Variants in RNF13 observed in about 807,000 individuals in gnomAD.
The protein encoded by RNF13 is E3 ubiquitin-protein ligase RNF13.
RNF13 carries 19 observed loss-of-function variants against 37.7 expected under a neutral mutation model. The observed-to-expected ratio is 0.50, with a 90% CI of 0.35 to 0.74. The LOEUF is 0.74. Ranked by LOEUF, RNF13 falls within the 30% of genes least tolerant of loss-of-function variation. The pLI is 0.01. For synonymous variants in RNF13, 144 were observed against 157.8 expected, an observed-to-expected ratio of 0.91 and a Z score of 0.65; for missense variants, 375 against 453.0, an observed-to-expected ratio of 0.83 and a Z score of 1.56.
intron 2 of RNF13, among the ~76,000 whole-genome samples, chr3:149,848,851 A>ATAGCTGACTAGAC (rs1722880486): frequency 6.6e-6 from 1 of 152,176 alleles, no homozygotes; most frequent in Non-Finnish European, 1.5e-5. Context: ...CATCTAGTCT[A>ATAGCTGACTAGAC]TAGCTGACTA....
At chr3:149,945,602 AACAG>A (rs1196593913) in intron 8 of RNF13, among the ~76,000 whole-genome samples, 2 of 152,122 alleles carry the variant, frequency 1.3e-5, no homozygotes, top group Admixed American at 6.5e-5. Flanking sequence ...GAGATCTGAG[AACAG>A]ACAGACTGCC....
At chr3:149,959,025 A>AT (rs1315960110) in intron 8 of RNF13, among the ~76,000 whole-genome samples, 2 of 152,332 alleles carry the variant, frequency 1.3e-5, no homozygotes, top group East Asian at 3.9e-4. Flanking sequence ...CAGACTATCC[A>AT]TCCAGATAAT....
rs947336429 is a variant in RNF13, at chr3:149,813,238, A to C, written c.-132A>C. 1 of 152,006 alleles carries C rather than the reference A, an allele frequency of 6.6e-6. No homozygotes were observed. The highest frequency in any genetic ancestry group is 1.5e-5 in the Non-Finnish European group (1 of 68,190). The allele number at this position is 152,006 out of a possible 1,614,324, so 9.4% of individuals were successfully genotyped here. On this transcript the variant is annotated 5_prime_UTR_variant, in exon 1 of 10. Coordinates refer to ENST00000392894, the MANE Select transcript of RNF13 (RefSeq NM_183381.3). ...TCGCCTAGGTGTTGTCGTCCCTGCT[A>C]GTACTCCGGGCTGTGGGGGTCGGTG... is the stretch of plus-strand genomic sequence containing the variant.
At chr3:149,895,427 T>A in intron 4 of RNF13, 46 bp from the exon 5 acceptor site, 2 of 1,178,766 alleles carry the variant, frequency 1.7e-6, no homozygotes, top group Non-Finnish European at 2.5e-6. Flanking sequence ...GACAAACCAC[T>A]GTCTTCCTTA....
chr3:149,898,688 TCA>T (rs1715513554), intron 5 of RNF13, among the ~76,000 whole-genome samples: 1 of 152,204 alleles, frequency 6.6e-6, no homozygotes, highest in African/African-American at 2.4e-5. Context: ...TAATGATTGT[TCA>T]GATATTATTA....
intron 1 of RNF13, among the ~76,000 whole-genome samples, chr3:149,835,633 T>TTGTGTGTGTCTGTGTGTG (rs1553751496): frequency 7.1e-4 from 99 of 138,838 alleles, no homozygotes; most frequent in Non-Finnish European, 9.1e-4. Context: ...TAGTATTCCA[T>TTGTGTGTGTCTGTGTGTG]TGTGTGTGTG....
intron 7 of RNF13, among the ~76,000 whole-genome samples, chr3:149,913,447 T>G (rs1406410729): frequency 6.6e-6 from 1 of 152,206 alleles, no homozygotes; most frequent in African/African-American, 2.4e-5. Flanking sequence ...CATTTTACAT[T>G]GCCAGGAGAC....
At chr3:149,858,025 G>C (rs1723831034) in intron 3 of RNF13, among the ~76,000 whole-genome samples, 2 of 152,120 alleles carry the variant, frequency 1.3e-5, no homozygotes, top group Admixed American at 1.3e-4. Context: ...CAACGGAATA[G>C]GTTAGTTCCC....
intron 8 of RNF13, among the ~76,000 whole-genome samples, chr3:149,923,196 CATT>C (rs1718318413): frequency 1.3e-5 from 2 of 151,862 alleles, no homozygotes; most frequent in South Asian, 2.1e-4. Context: ...TTTACATTTA[CATT>C]ATTATTATAC....
At chr3:149,939,778 A>C (rs1720072889) in intron 8 of RNF13, 2 of 586,698 alleles carry the variant, frequency 3.4e-6, no homozygotes, top group Admixed American at 3.8e-5. Flanking sequence ...GCTCATGTCC[A>C]TGTCCATCAA....
chr3:149,918,807 G>A (rs1169078057), intron 7 of RNF13, among the ~76,000 whole-genome samples: 1 of 151,788 alleles, frequency 6.6e-6, no homozygotes, highest in African/African-American at 2.4e-5. Flanking sequence ...GGAATTACAG[G>A]TGTGAGCCAC....
At chr3:149,936,928 CAGG>C (rs1719747860) in intron 8 of RNF13, among the ~76,000 whole-genome samples, 1 of 152,134 alleles carries the variant, frequency 6.6e-6, no homozygotes, top group African/African-American at 2.4e-5. Flanking sequence ...ACCCTAAGCC[CAGG>C]TTTGCCTGGC....
Position 149,906,001 on chromosome 3 carries a change from C to T in RNF13, c.500+3839C>T, listed in dbSNP as rs1003237421. Among the ~76,000 whole-genome samples, 29 of 152,280 alleles carry T rather than the reference C, an allele frequency of 1.9e-4. No homozygotes were observed. In the East Asian group the frequency reaches 2.1e-3, roughly 11 times the overall value. ...CACTTCCTATTCCCCAGTCCTTCTT[C>T]GTCCACTCCAGCCCCAGGCAATCAC... On this transcript the variant is annotated intron_variant, in intron 6 of 9. Coordinates refer to ENST00000392894, the MANE Select transcript of RNF13 (RefSeq NM_183381.3).
chr3:149,829,235 G>C (rs574797061), intron 1 of RNF13, among the ~76,000 whole-genome samples: 1 of 152,120 alleles, frequency 6.6e-6, no homozygotes, highest in Admixed American at 6.5e-5. Context: ...AAGTAGCTGG[G>C]ATTACAGACG....
At chr3:149,921,813 C>T (rs1349863143) in intron 8 of RNF13, among the ~76,000 whole-genome samples, 1 of 151,944 alleles carries the variant, frequency 6.6e-6, no homozygotes, top group African/African-American at 2.4e-5. Flanking sequence ...GGGTATATAC[C>T]CTGTAATGGG....
intron 8 of RNF13, among the ~76,000 whole-genome samples, chr3:149,929,525 A>G (rs1197810870): frequency 2.0e-5 from 3 of 152,168 alleles, no homozygotes; most frequent in Non-Finnish European, 4.4e-5. Flanking sequence ...TCCAACATGG[A>G]TTTATTTCAT....
chr3:149,829,132 T>G (rs566638838), intron 1 of RNF13, among the ~76,000 whole-genome samples: 1 of 152,262 alleles, frequency 6.6e-6, no homozygotes, highest in East Asian at 1.9e-4. Flanking sequence ...GATGGAGTCT[T>G]GCTTTGCCAC....
At chr3:149,869,093 A>AT (rs1276374605) in intron 3 of RNF13, among the ~76,000 whole-genome samples, 1 of 151,354 alleles carries the variant, frequency 6.6e-6, no homozygotes, top group Non-Finnish European at 1.5e-5. Context: ...GACTTGGCTG[A>AT]TTCTTTCTTC....
In RNF13 at chr3:149,901,723, T is replaced by A. The variant is rs1213109640; in HGVS notation, c.410-349T>A. ...TCTTTTTCATTTAGGAATTAAGTTA[T>A]GTGTGGGAAGAAAACCTAAAATTTC... On this transcript the variant is annotated intron_variant, in intron 5 of 9. Coordinates refer to ENST00000392894, the MANE Select transcript of RNF13 (RefSeq NM_183381.3). 3.3e-5 allele frequency among the ~76,000 whole-genome samples: 5 copies of A among 152,336 alleles called. No individual in the cohort carries two copies. In the East Asian group the frequency reaches 9.6e-4, roughly 29 times the overall value.
Sources: allele counts gnomAD v4.1 joint callset (sites outside exome capture counted in the v4.1 genomes callset), GRCh38; gene constraint gnomAD v4.1.1; transcripts MANE v1.5; gene names NCBI Gene and HGNC (gene_info 2026-07-23, HGNC 2026-07-21).